Variants in C4BPA observed in about 807,000 individuals in gnomAD.
The protein encoded by C4BPA is complement component 4 binding protein alpha, also known as C4b-binding protein alpha chain.
A neutral mutation model predicts 63.7 loss-of-function variants in C4BPA; 31 were observed. The observed-to-expected ratio is 0.49, with a 90% CI of 0.37 to 0.66. C4BPA has a LOEUF of 0.66. C4BPA is among the 30% of genes least tolerant of loss of function. The probability of loss-of-function intolerance (pLI) is 0.00; values close to 1 mark genes in which losing one functional copy is unlikely to be tolerated. For synonymous variants in C4BPA, 259 were observed against 254.7 expected (o/e 1.02, Z -0.16); for missense variants, 572 against 723.3 (o/e 0.79, Z 2.40).
chr1:207,134,337 G>A, intron 8 of C4BPA, 67 bp from the exon 9 acceptor site: 1 of 1,156,362 alleles, frequency 8.6e-7, no homozygotes, highest in South Asian at 1.4e-5. Flanking sequence ...TGGAAATGAG[G>A]TTGTTAGCCA....
intron 2 of C4BPA, 102 bp from the exon 3 acceptor site, chr1:207,113,998 T>C: frequency 1.0e-6 from 1 of 994,856 alleles, no homozygotes; most frequent in Non-Finnish European, 1.5e-6. Context: ...GAGATCATTC[T>C]TGAAAAGAAC....
Position 207,144,139 on chromosome 1 carries a change from G to T in C4BPA, c.1620+146G>T, listed in dbSNP as rs367987103. The T allele has an allele frequency of 1.3e-5, 8 of 621,530 alleles. No homozygotes were observed. The South Asian group carries it at 1.8e-4, about 14-fold the overall frequency. The allele number at this position is 621,530 out of a possible 1,614,324, so 38.5% of individuals were successfully genotyped here. A position where few individuals can be genotyped will look rare whatever the true frequency, so the allele number is the denominator to read the frequency against. ...ACTCCCACTCAAAGAAACTCTTTTT[G>T]TCTTGAAGCATTCTGGTAAGTTAGG... is the stretch of plus-strand genomic sequence containing the variant. On this transcript the variant is annotated intron_variant, in intron 11 of 11. Coordinates refer to ENST00000367070, the MANE Select transcript of C4BPA (RefSeq NM_000715.4).
intron 9 of C4BPA, among the ~76,000 whole-genome samples, chr1:207,138,677 C>T (rs569931140): frequency 1.6e-3 from 246 of 152,274 alleles, no homozygotes; most frequent in African/African-American, 5.2e-3. Context: ...ACATGGGCCC[C>T]GCTCAAACCT....
At chr1:207,131,516 T>G in intron 7 of C4BPA, 30 bp from the exon 8 acceptor site, 2 of 1,521,696 alleles carry the variant, frequency 1.3e-6, no homozygotes, top group Non-Finnish European at 1.8e-6. Context: ...TAGCGTCCTT[T>G]TGTTCTTCTT....
intron 1 of C4BPA, among the ~76,000 whole-genome samples, chr1:207,112,051 CTT>C (rs1289497977): frequency 1.3e-5 from 2 of 151,804 alleles, no homozygotes; most frequent in Non-Finnish European, 2.9e-5. Flanking sequence ...CTAACACAAA[CTT>C]AGGATATGTT....
chr1:207,123,279 G>T (rs555292292), intron 4 of C4BPA, among the ~76,000 whole-genome samples: 2 of 152,316 alleles, frequency 1.3e-5, no homozygotes, highest in African/African-American at 4.8e-5. Flanking sequence ...CAGGCTCTTA[G>T]ATTGCTGAAG....
intron 7 of C4BPA, 81 bp downstream of exon 7, chr1:207,126,976 A>G (rs760020161): frequency 9.2e-5 from 87 of 940,780 alleles, no homozygotes; most frequent in Non-Finnish European, 1.2e-4. Flanking sequence ...ACTTGCATGC[A>G]TAGGCCTACT....
chr1:207,137,997 T>C lies in C4BPA; in HGVS notation c.1274-3109T>C, dbSNP rs79715538. Among the ~76,000 whole-genome samples the C allele has an allele frequency of 3.9e-3, 601 of 152,320 alleles. 3 individuals carry two copies. The highest frequency in any genetic ancestry group is 0.014 in the African/African-American group (592 of 41,566). Reference sequence around the variant, plus strand: ...ATAATGGGGAATGTCCAACCCTCTCTTCCAACATGGCCTGAACAAGATGTT... The same window carrying C: ...ATAATGGGGAATGTCCAACCCTCTCCTCCAACATGGCCTGAACAAGATGTT... On this transcript the variant is annotated intron_variant, in intron 9 of 11. Transcript: ENST00000367070.
Position 207,114,745 on chromosome 1 carries a change from C to T in C4BPA, c.328+460C>T, listed in dbSNP as rs149880161. 2.5e-4 allele frequency: 41 copies of T among 165,362 alleles called. No individual in the cohort carries two copies. The East Asian group carries it at 4.8e-3, about 19-fold the overall frequency. 10.2% of individuals were successfully genotyped at this position (165,362 alleles called of 1,614,324 possible). On this transcript the variant is annotated intron_variant, in intron 3 of 11. Transcript: ENST00000367070. ...CTGACCTCAAGTGATCTGCCTGCCT[C>T]GGCTTCCCAAAGTGCTGATATTACA...
At chr1:207,117,167 A>G (rs1053275984) in intron 4 of C4BPA, among the ~76,000 whole-genome samples, 1 of 152,216 alleles carries the variant, frequency 6.6e-6, no homozygotes, top group Non-Finnish European at 1.5e-5. Context: ...AATTAATTTT[A>G]GGTGAAGTGC....
intron 7 of C4BPA, among the ~76,000 whole-genome samples, chr1:207,128,168 T>C (rs1685085146): frequency 6.6e-6 from 1 of 152,168 alleles, no homozygotes; most frequent in South Asian, 2.1e-4. Context: ...CCCAGCTTCC[T>C]AGAATGGAAG....
intron 7 of C4BPA, among the ~76,000 whole-genome samples, chr1:207,129,609 C>G (rs1685120324): frequency 6.6e-6 from 1 of 151,930 alleles, no homozygotes; most frequent in South Asian, 2.1e-4. Context: ...CAATGTAACC[C>G]CAGTAAGATT....
At position 207,115,617 on chromosome 1, in the gene C4BPA, G is replaced by A. The variant is rs532201681; in HGVS notation, c.428+102G>A. The A allele has an allele frequency of 1.0e-4, 63 of 602,686 alleles. No individual in the cohort carries two copies. In the African/African-American group the frequency reaches 1.1e-3, roughly 10 times the overall value. 37.3% of individuals were successfully genotyped at this position (602,686 alleles called of 1,614,324 possible). A position where few individuals can be genotyped will look rare whatever the true frequency, so the allele number is the denominator to read the frequency against. On this transcript the variant is annotated intron_variant, in intron 4 of 11. Coordinates refer to ENST00000367070, the MANE Select transcript of C4BPA (RefSeq NM_000715.4). ...TTTAAAATGATGTAAAAAGATAGAC[G>A]TTGAGAATTCTCATTTCCATCCTAT...
In C4BPA at chr1:207,144,714, A is replaced by C; in HGVS notation, c.1791A>C (p.Leu597=). The C allele has an allele frequency of 6.3e-7, 1 of 1,596,470 alleles. No individual in the cohort carries two copies. Among genetic ancestry groups the C allele is most frequent in the Non-Finnish European group, 8.5e-7 (1 of 1,170,998 alleles). ...GACAATCCACTTTGGATAAAGAACT[A>C]TAATTTTTCTCAAAAGAAGGAGGAA... ...SARQSTLDKE[L] The change falls in exon 12 of 12, where the codon CTA becomes CTC. Residue 597 remains leucine (L), a synonymous_variant. Transcript: ENST00000367070.
intron 4 of C4BPA, 44 bp downstream of exon 4, chr1:207,115,559 A>T: frequency 9.7e-7 from 1 of 1,030,588 alleles, no homozygotes; most frequent in Non-Finnish European, 1.4e-6. Context: ...ATATTTATTT[A>T]AAAAATAGCT....
intron 9 of C4BPA, among the ~76,000 whole-genome samples, chr1:207,137,044 T>TATACAAAGTATACAAAG (rs1233673139): frequency 6.6e-6 from 1 of 152,272 alleles, no homozygotes; most frequent in Non-Finnish European, 1.5e-5. Flanking sequence ...AAATTTATTG[T>TATACAAAGTATACAAAG]TCTTTGTTTA....
chr1:207,138,077 G>C (rs911132494), intron 9 of C4BPA, among the ~76,000 whole-genome samples: 1 of 152,138 alleles, frequency 6.6e-6, no homozygotes, highest in African/African-American at 2.4e-5. Context: ...AGATGGTTGG[G>C]GGACCTTAGA....
chr1:207,116,485 CTT>C (rs1684789373), intron 4 of C4BPA, among the ~76,000 whole-genome samples: 1 of 147,424 alleles, frequency 6.8e-6, no homozygotes, highest in Non-Finnish European at 1.5e-5. Context: ...TATACTGTAA[CTT>C]TTCCCACAGT....
intron 9 of C4BPA, among the ~76,000 whole-genome samples, chr1:207,139,758 C>G (rs910115448): frequency 3.9e-5 from 6 of 152,210 alleles, no homozygotes; most frequent in Non-Finnish European, 8.8e-5. Context: ...CATAGGTCCT[C>G]TTGGAGGACT....
Sources: allele counts gnomAD v4.1 joint callset (sites outside exome capture counted in the v4.1 genomes callset), GRCh38; gene constraint gnomAD v4.1.1; transcripts MANE v1.5; gene names NCBI Gene and HGNC (gene_info 2026-07-23, HGNC 2026-07-21).